The following DUSP4 variants were observed in gnomAD, a reference collection of about 807,000 sequenced individuals.
DUSP4 encodes dual specificity phosphatase 4.
DUSP4 carries 12 observed loss-of-function variants against 27.2 expected under a neutral mutation model. The ratio of observed to expected loss-of-function variants is 0.44; its 90% CI spans 0.28 to 0.71. The LOEUF (loss-of-function observed/expected upper bound fraction) is 0.71, where lower values mean the gene tolerates loss of function less well. Ranked by LOEUF, DUSP4 falls within the 30% of genes least tolerant of loss-of-function variation. DUSP4 has a pLI of 0.14. For synonymous variants in DUSP4, 257 were observed against 245.2 expected (o/e 1.05, Z -0.45); for missense variants, 448 against 551.3 (o/e 0.81, Z 1.88).
intron 1 of DUSP4, among the ~76,000 whole-genome samples, chr8:29,344,566 A>G (rs905071967): frequency 1.5e-4 from 23 of 152,180 alleles, no homozygotes; most frequent in African/African-American, 5.5e-4. Context: ...AGACTTACTT[A>G]AGAATAACTC....
intron 1 of DUSP4, among the ~76,000 whole-genome samples, chr8:29,343,242 G>A (rs1036747109): frequency 1.5e-4 from 23 of 151,516 alleles, no homozygotes; most frequent in Admixed American, 5.9e-4. Context: ...GAAGGTTCTC[G>A]TCCCTGACAG....
chr8:29,337,715 G>A lies in DUSP4; in HGVS notation c.800-304C>T, dbSNP rs995639304. 3.3e-5 allele frequency among the ~76,000 whole-genome samples: 5 copies of A among 152,170 alleles called. No homozygotes were observed. Among genetic ancestry groups the A allele is most frequent in the Non-Finnish European group, 7.3e-5 (5 of 68,032 alleles). On this transcript the variant is annotated intron_variant, in intron 3 of 3. Transcript: ENST00000240100. This position sits in a 1 kb window ranked among gnomAD's most constrained non-coding sequence, Gnocchi z 6.4. Reference sequence around the variant, plus strand: ...TCACTCCTGTAATCCCAGCGCTTTGGGAGGCCAAGGAGGGTGGATAACTTG... The same window carrying A: ...TCACTCCTGTAATCCCAGCGCTTTGAGAGGCCAAGGAGGGTGGATAACTTG...
intron 1 of DUSP4, chr8:29,345,331 C>T: frequency 6.2e-7 from 1 of 1,610,996 alleles, no homozygotes; most frequent in Non-Finnish European, 8.5e-7. Flanking sequence ...TATGTAAATG[C>T]TGAGCTGTAT....
intron 1 of DUSP4, among the ~76,000 whole-genome samples, chr8:29,349,299 A>G (rs1245387040): frequency 1.3e-5 from 2 of 151,330 alleles, no homozygotes; most frequent in African/African-American, 4.9e-5. Context: ...GAACGCAGAT[A>G]CAGATCGCTC....
In DUSP4 at chr8:29,340,085, C is replaced by A. The variant is rs1169769490; in HGVS notation, c.579+13G>T. 6.4e-7 allele frequency: 1 copy of A among 1,556,270 alleles called. No individual in the cohort carries two copies. The highest frequency in any genetic ancestry group is 1.4e-5 in the African/African-American group (1 of 73,384). ...CCTGCCCCCCACTTCCAAGCCCTGC[C>A]CCCCGAGTCTACCTGGTCGTGTAGT... On this transcript the variant is annotated intron_variant, in intron 2 of 3. Transcript: ENST00000240100.
intron 1 of DUSP4, among the ~76,000 whole-genome samples, chr8:29,343,092 T>C (rs1409426504): frequency 1.4e-4 from 19 of 134,176 alleles, no homozygotes; most frequent in African/African-American, 2.3e-4. Context: ...GGCGTGAACC[T>C]GGGAGGCGGA....
In DUSP4 at chr8:29,340,083, G is replaced by A. The variant is rs373197737; in HGVS notation, c.579+15C>T. ...TTCCTGCCCCCCACTTCCAAGCCCTGCCCCCCGAGTCTACCTGGTCGTGTA... is the reference window on the plus strand; with the variant it reads ...TTCCTGCCCCCCACTTCCAAGCCCTACCCCCCGAGTCTACCTGGTCGTGTA... On this transcript the variant is annotated intron_variant, in intron 2 of 3. Transcript: ENST00000240100. 32 of 1,555,022 alleles carry A rather than the reference G, an allele frequency of 2.1e-5. No individual in the cohort carries two copies. Among genetic ancestry groups the A allele is most frequent in the Middle Eastern group, 2.0e-4 (1 of 5,116 alleles).
At chr8:29,339,200 A>G (rs181182979) in intron 2 of DUSP4, among the ~76,000 whole-genome samples, 2 of 152,330 alleles carry the variant, frequency 1.3e-5, no homozygotes, top group African/African-American at 4.8e-5. Flanking sequence ...AAACAAATAA[A>G]TAAGCTGATG....
chr8:29,348,257 T>A, intron 1 of DUSP4: 1 of 985,550 alleles, frequency 1.0e-6, no homozygotes, highest in Non-Finnish European at 1.2e-6. Context: ...TCGAGGGGAC[T>A]TGCGTCCCAG....
intron 1 of DUSP4, chr8:29,348,164 C>T: frequency 1.0e-6 from 1 of 985,570 alleles, no homozygotes; most frequent in Middle Eastern, 5.2e-4. Flanking sequence ...TGGACGCCAG[C>T]GAAGGAAGGC....
At chr8:29,340,366 G>T (rs1817640866) in intron 1 of DUSP4, 123 bp from the exon 2 acceptor site, 3 of 1,276,050 alleles carry the variant, frequency 2.4e-6, no homozygotes, top group African/African-American at 3.0e-5. Flanking sequence ...GCTCCATATT[G>T]GCCACTAGGT....
intron 1 of DUSP4, among the ~76,000 whole-genome samples, chr8:29,349,594 C>G (rs572011523): frequency 6.6e-6 from 1 of 152,316 alleles, no homozygotes; most frequent in Admixed American, 6.5e-5. Flanking sequence ...TGTCAATAAA[C>G]GGGGCCTCGC....
intron 1 of DUSP4, among the ~76,000 whole-genome samples, chr8:29,341,844 C>G (rs1015042526): frequency 6.6e-6 from 1 of 152,236 alleles, no homozygotes; most frequent in South Asian, 2.1e-4. Context: ...TCCATGCTCC[C>G]TTTCGGAGAA....
At chr8:29,343,136 C>T (rs1291026073) in intron 1 of DUSP4, among the ~76,000 whole-genome samples, 1 of 142,864 alleles carries the variant, frequency 7.0e-6, no homozygotes, top group Non-Finnish European at 1.5e-5. Flanking sequence ...CCACTGCATT[C>T]CAGCCTGGGC....
chr8:29,350,414 C>T lies in DUSP4; in HGVS notation c.-136G>A. ...GCCGCAAACTTGGTCCTCAAGGGCTCCCGCGGGAGAGCCTCTTCTTCCCTG... is the reference window on the plus strand; with the variant it reads ...GCCGCAAACTTGGTCCTCAAGGGCTTCCGCGGGAGAGCCTCTTCTTCCCTG... On this transcript the variant is annotated 5_prime_UTR_variant, in exon 1 of 4. Coordinates refer to ENST00000240100, the MANE Select transcript of DUSP4 (RefSeq NM_001394.7). 2.9e-6 allele frequency: 3 copies of T among 1,021,760 alleles called. No homozygotes were observed. Among genetic ancestry groups the T allele is most frequent in the Non-Finnish European group, 4.1e-6 (3 of 726,698 alleles). The allele number at this position is 1,021,760 out of a possible 1,614,324, so 63.3% of individuals were successfully genotyped here.
At position 29,337,007 on chromosome 8, in the gene DUSP4, T is replaced by C. The variant is rs561362920; in HGVS notation, c.*19A>G. On this transcript the variant is annotated 3_prime_UTR_variant, in exon 4 of 4. Transcript: ENST00000240100. The surrounding 1 kb of genome is among the most constrained non-coding windows in gnomAD (Gnocchi z 6.4). ...CCTTGCTGGGAGCCAGCTCTGGTTC[T>C]GGGGCCCCCAGGGCGGCTCTAACAG... 5.7e-5 allele frequency: 90 copies of C among 1,568,572 alleles called. 2 individuals are homozygous for C. The South Asian group carries it at 1.1e-3, about 19-fold the overall frequency.
Position 29,350,063 on chromosome 8 carries a change from G to A in DUSP4, c.216C>T (p.Ile72=), listed in dbSNP as rs1296344148. 2 of 1,602,884 alleles carry A rather than the reference G, an allele frequency of 1.2e-6. No homozygotes were observed. Among genetic ancestry groups the A allele is most frequent in the South Asian group, 1.1e-5 (1 of 90,112 alleles). The change falls in exon 1 of 4, where the codon ATC becomes ATT. Residue 72 remains isoleucine (I), a synonymous_variant. Coordinates refer to ENST00000240100, the MANE Select transcript of DUSP4 (RefSeq NM_001394.7). ...CGGAGCCCTTAGCCCGCCGCCGCAC[G>A]ATGGTGTTACAGCGCACGTTGACCG... is the stretch of plus-strand genomic sequence containing the variant. ...LGSVNVRCNT[I]VRRRAKGSVS... is the part of the protein sequence containing the mutation.
chr8:29,345,432 C>G (rs1274545672), intron 1 of DUSP4: 3 of 1,614,112 alleles, frequency 1.9e-6, no homozygotes, highest in Admixed American at 3.3e-5. Flanking sequence ...TAACGCCATG[C>G]TGGGGGCTCG....
rs566960202 is a variant in DUSP4, at chr8:29,333,418, C to T, written c.*3608G>A. On this transcript the variant is annotated 3_prime_UTR_variant, in exon 4 of 4. Coordinates refer to ENST00000240100, the MANE Select transcript of DUSP4 (RefSeq NM_001394.7). The stretch of plus-strand genomic sequence containing the variant: ...AGGAAAAACATCAATATCCAAACAC[C>T]GTATTGAGTCCCTTAACAAGGCTCC... 23 of 152,302 alleles carry T rather than the reference C, an allele frequency of 1.5e-4. No homozygotes were observed. The highest frequency in any genetic ancestry group is 5.1e-4 in the African/African-American group (21 of 41,564). The allele number at this position is 152,302 out of a possible 1,614,324, so 9.4% of individuals were successfully genotyped here.
Sources: gnomAD v4.1 joint callset for allele counts (sites outside exome capture counted in the v4.1 genomes callset) on GRCh38, gnomAD v4.1.1 for gene constraint, Gnocchi (gnomAD v3.1) non-coding constraint, MANE v1.5 for transcripts, NCBI Gene and HGNC (gene_info 2026-07-23, HGNC 2026-07-21) for gene names.